The following KLRD1 variants were observed in gnomAD, a reference collection of about 807,000 sequenced individuals.
KLRD1 encodes the protein killer cell lectin like receptor D1.
KLRD1 carries 21 observed loss-of-function variants against 22.6 expected under a neutral mutation model. The observed-to-expected ratio is 0.93, with a 90% CI of 0.66 to 1.34. KLRD1 has a LOEUF of 1.34. Ranked by LOEUF, KLRD1 falls within the 40% of genes most tolerant of loss-of-function variation. The pLI is 0.00. For missense variants in KLRD1, 183 were observed against 208.6 expected (o/e 0.88, Z 0.76); for synonymous variants, 59 against 71.1 (o/e 0.83, Z 0.85).
intron 1 of KLRD1, among the ~76,000 whole-genome samples, chr12:10,264,515 G>A (rs999094809): frequency 2.0e-5 from 3 of 152,120 alleles, no homozygotes; most frequent in African/African-American, 7.2e-5. Flanking sequence ...TCTATATGGA[G>A]TGGTAATTCA....
chr12:10,299,062 T>C (rs895656345), intron 1 of KLRD1, among the ~76,000 whole-genome samples: 6 of 152,210 alleles, frequency 3.9e-5, no homozygotes, highest in African/African-American at 1.4e-4. Flanking sequence ...TTCTCTCTAA[T>C]GGTATAGAAA....
At chr12:10,261,191 C>T (rs2137630983) in intron 1 of KLRD1, among the ~76,000 whole-genome samples, 1 of 152,230 alleles carries the variant, frequency 6.6e-6, no homozygotes, top group South Asian at 2.1e-4. Context: ...TGAAGTCTGG[C>T]TCAGTAGGGA....
intron 1 of KLRD1, among the ~76,000 whole-genome samples, chr12:10,255,255 A>C (rs986952793): frequency 6.6e-6 from 1 of 152,200 alleles, no homozygotes; most frequent in African/African-American, 2.4e-5. Context: ...AAAATTATTC[A>C]TTGTAGCTAA....
chr12:10,312,778 G>C (rs1171849760), intron 4 of KLRD1, among the ~76,000 whole-genome samples: 1 of 149,580 alleles, frequency 6.7e-6, no homozygotes, highest in East Asian at 2.1e-4. Context: ...TCACAGTCAG[G>C]AGATCGAGAC....
intron 1 of KLRD1, among the ~76,000 whole-genome samples, chr12:10,269,954 A>G (rs1352487589): frequency 3.3e-5 from 5 of 152,138 alleles, no homozygotes; most frequent in African/African-American, 4.8e-5. Context: ...ACCATCTTCT[A>G]TTGCCTCTAT....
upstream of KLRD1, among the ~76,000 whole-genome samples, chr12:10,304,813 A>G (rs571942722): frequency 9.2e-5 from 14 of 152,342 alleles, no homozygotes; most frequent in South Asian, 1.9e-3. Context: ...CACACTATAT[A>G]TAAGAAACCA....
chr12:10,267,929 T>G (rs899316397), intron 1 of KLRD1, among the ~76,000 whole-genome samples: 3 of 152,258 alleles, frequency 2.0e-5, no homozygotes, highest in African/African-American at 7.2e-5. Flanking sequence ...GGAGAAAGGG[T>G]GTGCTTTTAG....
In KLRD1 at chr12:10,270,209, A is replaced by G. The variant is rs543472110; in HGVS notation, c.-100-37769A>G. Among the ~76,000 whole-genome samples, 6 of 152,348 alleles carry G rather than the reference A, an allele frequency of 3.9e-5. 1 individual carries two copies. The South Asian group carries it at 1.2e-3, about 32-fold the overall frequency. On this transcript the variant is annotated intron_variant, in intron 1 of 5. Transcript: ENST00000544747. ...GGCCTATGCCATTGCTGATAACTCA[A>G]AAAACTGAATTGATAAAATTACTTG...
chr12:10,268,335 G>A (rs1949518359), intron 1 of KLRD1, among the ~76,000 whole-genome samples: 1 of 152,148 alleles, frequency 6.6e-6, no homozygotes, highest in Non-Finnish European at 1.5e-5. Flanking sequence ...TGTGATTTAT[G>A]TGATTTTTTT....
At position 10,320,812 on chromosome 12, in the gene KLRD1, G is replaced by C. The variant is rs1218422390; in HGVS notation, c.*6019G>C. 6.6e-6 allele frequency: 1 copy of C among 152,186 alleles called. No individual in the cohort carries two copies. The highest frequency in any genetic ancestry group is 1.5e-5 in the Non-Finnish European group (1 of 68,032). The allele number at this position is 152,186 out of a possible 1,614,324, so 9.4% of individuals were successfully genotyped here. A position where few individuals can be genotyped will look rare whatever the true frequency, so the allele number is the denominator to read the frequency against. ...CACAAGTAGTGCCTCAATTCAGTCA[G>C]ATGAAGATCTATAAAGGTCAAATAA... On this transcript the variant is annotated 3_prime_UTR_variant, in exon 6 of 6. Transcript: ENST00000336164.
At chr12:10,261,930 G>A (rs975370460) in intron 1 of KLRD1, among the ~76,000 whole-genome samples, 1 of 152,160 alleles carries the variant, frequency 6.6e-6, no homozygotes, top group South Asian at 2.1e-4. Flanking sequence ...GTTGCCACTT[G>A]TGACCAGATT....
chr12:10,281,988 G>A (rs993123168), intron 1 of KLRD1, among the ~76,000 whole-genome samples: 1 of 152,126 alleles, frequency 6.6e-6, no homozygotes, highest in African/African-American at 2.4e-5. Context: ...TCATACAAAT[G>A]TAGCCTTCTA....
chr12:10,270,063 A>C (rs1949536070), intron 1 of KLRD1, among the ~76,000 whole-genome samples: 1 of 152,142 alleles, frequency 6.6e-6, no homozygotes, highest in Non-Finnish European at 1.5e-5. Flanking sequence ...ATTTTATTAC[A>C]TCTCACAGCT....
At chr12:10,266,188 G>A (rs879521330) in intron 1 of KLRD1, among the ~76,000 whole-genome samples, 1 of 152,006 alleles carries the variant, frequency 6.6e-6, no homozygotes, top group Non-Finnish European at 1.5e-5. Flanking sequence ...ATTTATACAT[G>A]TGTATGTGTT....
At chr12:10,285,626 C>G (rs1359726094) in intron 1 of KLRD1, among the ~76,000 whole-genome samples, 3 of 151,992 alleles carry the variant, frequency 2.0e-5, no homozygotes, top group African/African-American at 7.3e-5. Flanking sequence ...CTTTACCTGC[C>G]CATTATTTCC....
rs1309818267 is a variant in KLRD1 at position 10,325,488 on chromosome 12, T to C, written c.*10695T>C. ...TCTATAATTTATTCATCTTGCATAA[T>C]TGAGGCTTTATGCCCTTTGATTAAC... On this transcript the variant is annotated 3_prime_UTR_variant, in exon 6 of 6. Coordinates refer to ENST00000336164, the MANE Select transcript of KLRD1 (RefSeq NM_002262.5). 6.6e-6 allele frequency: 1 copy of C among 152,332 alleles called. No homozygotes were observed. The highest frequency in any genetic ancestry group is 1.9e-4 in the East Asian group (1 of 5,186). The allele number at this position is 152,332 out of a possible 1,614,324, so 9.4% of individuals were successfully genotyped here. A position where few individuals can be genotyped will look rare whatever the true frequency, so the allele number is the denominator to read the frequency against.
At chr12:10,251,159 C>G (rs906385108) in intron 1 of KLRD1, among the ~76,000 whole-genome samples, 5 of 152,100 alleles carry the variant, frequency 3.3e-5, no homozygotes, top group East Asian at 1.9e-4. Flanking sequence ...GGGTCTCACT[C>G]TGTTGCCCAG....
chr12:10,267,561 A>G (rs1355834686), intron 1 of KLRD1, among the ~76,000 whole-genome samples: 1 of 152,236 alleles, frequency 6.6e-6, no homozygotes, highest in African/African-American at 2.4e-5. Context: ...AATCACAGAA[A>G]TAATTATACA....
chr12:10,243,607 CAAA>C lies in KLRD1; in HGVS notation c.-101+17398_-101+17400del, dbSNP rs34864670. On this transcript the variant is annotated intron_variant, in intron 1 of 5. Transcript: ENST00000544747. Reference sequence around the variant, plus strand: ...CAGCCTGGGCAACAGAGTGAGACTCCAAAAAAAAAAAAAAAAAAAAAAAAAACC... The same window carrying C: ...CAGCCTGGGCAACAGAGTGAGACTCCAAAAAAAAAAAAAAAAAAAAAAACC... 8.7e-4 allele frequency among the ~76,000 whole-genome samples: 25 copies of C among 28,806 alleles called. 2 individuals carry two copies. Among genetic ancestry groups the C allele is most frequent in the African/African-American group, 3.0e-3 (15 of 4,932 alleles). 18.9% of individuals were successfully genotyped at this position (28,806 alleles called of 152,430 possible). A position where few individuals can be genotyped will look rare whatever the true frequency, so the allele number is the denominator to read the frequency against.
Sources: gnomAD v4.1 joint callset for allele counts (sites outside exome capture counted in the v4.1 genomes callset) on GRCh38, gnomAD v4.1.1 for gene constraint, MANE v1.5 for transcripts, NCBI Gene and HGNC (gene_info 2026-07-23, HGNC 2026-07-21) for gene names.